Variants in ATG7 observed in about 807,000 individuals in gnomAD.
The protein encoded by ATG7 is autophagy related 7.
A neutral mutation model predicts 82.4 loss-of-function variants in ATG7; 70 were observed. The ratio of observed to expected loss-of-function variants is 0.85; its 90% CI spans 0.70 to 1.04. The LOEUF (loss-of-function observed/expected upper bound fraction) is 1.04, where lower values mean the gene tolerates loss of function less well. ATG7 is among the 50% of genes least tolerant of loss of function. ATG7 has a pLI of 0.00. For synonymous variants in ATG7, 287 were observed against 313.0 expected (o/e 0.92, Z 0.88); for missense variants, 792 against 864.3 (o/e 0.92, Z 1.05).
At chr3:11,352,781 T>G (rs1254981479) in intron 14 of ATG7, among the ~76,000 whole-genome samples, 1 of 152,164 alleles carries the variant, frequency 6.6e-6, no homozygotes, top group Non-Finnish European at 1.5e-5. Context: ...TGGACAAGTG[T>G]GGGGCATGTG....
chr3:11,502,885 C>T (rs1181200630), intron 20 of ATG7, among the ~76,000 whole-genome samples: 4 of 152,148 alleles, frequency 2.6e-5, no homozygotes, highest in African/African-American at 4.8e-5. Context: ...GACAACTGCC[C>T]TCTCTTATTC....
chr3:11,272,804 G>T (rs1940770909), intron 1 of ATG7: 1 of 152,202 alleles, frequency 6.6e-6, no homozygotes, highest in Admixed American at 6.5e-5. Flanking sequence ...TCTCTGGCAC[G>T]TTCCTTCCCC....
intron 20 of ATG7, among the ~76,000 whole-genome samples, chr3:11,493,811 C>T (rs2090596830): frequency 6.6e-6 from 1 of 152,138 alleles, no homozygotes; most frequent in African/African-American, 2.4e-5. Flanking sequence ...TCTGGGGCAT[C>T]ACAAAGAGAT....
chr3:11,509,698 T>C (rs2091945654), intron 20 of ATG7, among the ~76,000 whole-genome samples: 1 of 152,048 alleles, frequency 6.6e-6, no homozygotes, highest in Non-Finnish European at 1.5e-5. Flanking sequence ...ACTAGGAAAA[T>C]ATGATTCTGT....
chr3:11,497,094 G>A (rs1302987174), intron 20 of ATG7, among the ~76,000 whole-genome samples: 1 of 151,658 alleles, frequency 6.6e-6, no homozygotes, highest in East Asian at 1.9e-4. Flanking sequence ...CAAGTGATCC[G>A]CTTGCCTCGG....
intron 20 of ATG7, among the ~76,000 whole-genome samples, chr3:11,441,954 C>T (rs185952308): frequency 1.2e-3 from 189 of 152,254 alleles, no homozygotes; most frequent in African/African-American, 4.5e-3. Context: ...GCGTGAGCCA[C>T]CGCGCCTGGC....
intron 6 of ATG7, among the ~76,000 whole-genome samples, chr3:11,308,175 C>T (rs917193094): frequency 7.2e-5 from 11 of 152,196 alleles, no homozygotes; most frequent in African/African-American, 2.7e-4. Flanking sequence ...CTTACTTCTG[C>T]TTACTTATTT....
chr3:11,315,253 G>C, intron 8 of ATG7, 91 bp from the exon 9 acceptor site: 1 of 1,205,426 alleles, frequency 8.3e-7, no homozygotes. Flanking sequence ...CTAGTCTTCT[G>C]GTTTTAAGGT....
chr3:11,374,315 A>G (rs2077232141), intron 18 of ATG7, among the ~76,000 whole-genome samples: 2 of 152,238 alleles, frequency 1.3e-5, no homozygotes, highest in South Asian at 4.1e-4. Context: ...ATGGCCAACC[A>G]ATACAGTTCA....
chr3:11,486,085 C>A (rs1266019296), intron 20 of ATG7, among the ~76,000 whole-genome samples: 2 of 152,038 alleles, frequency 1.3e-5, no homozygotes, highest in Admixed American at 6.6e-5. Flanking sequence ...GAAGAAGGTC[C>A]TTGGTAGCTT....
the ATG7 span, among the ~76,000 whole-genome samples, chr3:11,564,386 T>C: frequency 7.4e-6 from 1 of 134,478 alleles, no homozygotes; most frequent in South Asian, 2.7e-4. Flanking sequence ...CGCGTGACCG[T>C]CTAAAGGAGA....
At chr3:11,491,917 TTGTC>T (rs1269330208) in intron 20 of ATG7, among the ~76,000 whole-genome samples, 1 of 152,202 alleles carries the variant, frequency 6.6e-6, no homozygotes, top group Admixed American at 6.5e-5. Context: ...GTCTTTTTGT[TTGTC>T]TGTGCCCTGC....
At chr3:11,448,894 G>A (rs1375880804) in intron 20 of ATG7, among the ~76,000 whole-genome samples, 1 of 152,110 alleles carries the variant, frequency 6.6e-6, no homozygotes, top group East Asian at 1.9e-4. Flanking sequence ...TCCCCTGCCT[G>A]ACATTTTACA....
chr3:11,545,868 CA>C (rs1285283617), intron 20 of ATG7, among the ~76,000 whole-genome samples: 2 of 152,214 alleles, frequency 1.3e-5, no homozygotes, highest in African/African-American at 4.8e-5. Flanking sequence ...TTAGCACCCC[CA>C]TACCCCCATT....
At position 11,371,506 on chromosome 3, in the gene ATG7, G is replaced by A. The variant is rs143611090; in HGVS notation, c.1875+6772G>A. ...ATGGAGAATAGACTGGAGGTGATAC[G>A]AGTGGCTCTGGGAATAGGATTTGAG... On this transcript the variant is annotated intron_variant, in intron 18 of 20. Coordinates refer to ENST00000693202, the MANE Select transcript of ATG7 (RefSeq NM_001349232.2). Among the ~76,000 whole-genome samples, 155 of 151,038 alleles carry A rather than the reference G, an allele frequency of 1.0e-3. 8 individuals carry two copies. Among genetic ancestry groups the A allele is most frequent in the African/African-American group, 3.6e-3 (146 of 40,964 alleles).
chr3:11,303,917 C>G (rs1179048574), intron 5 of ATG7, among the ~76,000 whole-genome samples: 5 of 75,894 alleles, frequency 6.6e-5, no homozygotes, highest in Non-Finnish European at 7.7e-5. Context: ...ACTAAAAATG[C>G]AAAAAAAAAA....
chr3:11,323,413 T>A (rs759664598), intron 9 of ATG7, among the ~76,000 whole-genome samples: 1 of 152,230 alleles, frequency 6.6e-6, no homozygotes, highest in Non-Finnish European at 1.5e-5. Flanking sequence ...CAGGATCAGA[T>A]GTTGTAGTAT....
intron 19 of ATG7, among the ~76,000 whole-genome samples, chr3:11,422,658 T>C (rs1025238860): frequency 2.0e-5 from 3 of 151,828 alleles, no homozygotes; most frequent in Non-Finnish European, 4.4e-5. Flanking sequence ...ACAACTTGGC[T>C]GTTTGGTGCA....
In ATG7 at chr3:11,556,835, C is replaced by T. The variant is rs1193894106; in HGVS notation, c.*1992C>T. The T allele has an allele frequency of 6.5e-6, 1 of 152,746 alleles. No individual in the cohort carries two copies. Among genetic ancestry groups the T allele is most frequent in the African/African-American group, 2.4e-5 (1 of 41,428 alleles). The allele number at this position is 152,746 out of a possible 1,614,324, so 9.5% of individuals were successfully genotyped here. A position where few individuals can be genotyped will look rare whatever the true frequency, so the allele number is the denominator to read the frequency against. ...AAATATAGGGGCCTGAATGCCAAAGCTTGGAAGCCCAGTACAGTGGGAGTG... is the reference window on the plus strand; with the variant it reads ...AAATATAGGGGCCTGAATGCCAAAGTTTGGAAGCCCAGTACAGTGGGAGTG... On this transcript the variant is annotated 3_prime_UTR_variant, in exon 21 of 21. Transcript: ENST00000693202.
Sources: allele counts gnomAD v4.1 joint callset (sites outside exome capture counted in the v4.1 genomes callset), GRCh38; gene constraint gnomAD v4.1.1; transcripts MANE v1.5; gene names NCBI Gene and HGNC (gene_info 2026-07-23, HGNC 2026-07-21).